Variants in MROH7 observed in about 807,000 individuals in gnomAD.
The protein encoded by MROH7 is maestro heat like repeat family member 7.
In MROH7, 113 loss-of-function variants were observed where a neutral mutation model predicts 129.2. The ratio of observed to expected loss-of-function variants is 0.87; its 90% CI spans 0.75 to 1.02. The LOEUF is 1.02. Ranked by LOEUF, MROH7 falls within the 50% of genes least tolerant of loss-of-function variation. MROH7 has a pLI of 0.00. For missense variants in MROH7, 1,601 were observed against 1,671.3 expected, an observed-to-expected ratio of 0.96 and a Z score of 0.73; for synonymous variants, 655 against 667.9, an observed-to-expected ratio of 0.98 and a Z score of 0.30.
intron 3 of MROH7, among the ~76,000 whole-genome samples, chr1:54,655,217 G>A (rs1183093728): frequency 6.6e-6 from 1 of 151,902 alleles, no homozygotes; most frequent in Non-Finnish European, 1.5e-5. Context: ...GTTTTGCCAT[G>A]TTGGTCAGGC....
At chr1:54,651,801 T>TCTCTCA (rs1644560395) in intron 1 of MROH7, 148 bp from the exon 2 acceptor site, 1 of 145,526 alleles carries the variant, frequency 6.9e-6, no homozygotes, top group South Asian at 2.2e-4. Context: ...TCTCTCTCTC[T>TCTCTCA]CTCTCTCTCT....
intron 1 of MROH7, among the ~76,000 whole-genome samples, chr1:54,642,222 G>A (rs1015649860): frequency 1.3e-5 from 2 of 152,194 alleles, no homozygotes; most frequent in South Asian, 2.1e-4. Context: ...ATTTATTGAG[G>A]ACTTGCTGTG....
intron 5 of MROH7, among the ~76,000 whole-genome samples, chr1:54,670,275 C>G (rs1003731999): frequency 1.3e-5 from 2 of 152,112 alleles, no homozygotes; most frequent in East Asian, 3.9e-4. Context: ...TTGAGACCAG[C>G]CTGGGCAACA....
chr1:54,708,044 T>A (rs769122740), intron 22 of MROH7, among the ~76,000 whole-genome samples: 1 of 152,120 alleles, frequency 6.6e-6, no homozygotes, highest in Non-Finnish European at 1.5e-5. Context: ...ATCTAACTTA[T>A]CCGGAGCAAG....
At chr1:54,690,741 C>T (rs753004288) in intron 15 of MROH7, among the ~76,000 whole-genome samples, 25 of 152,286 alleles carry the variant, frequency 1.6e-4, no homozygotes, top group African/African-American at 5.8e-4. Flanking sequence ...CAGCACCTGG[C>T]GAATTCAGAA....
At chr1:54,657,600 C>G (rs1346363617) in intron 3 of MROH7, among the ~76,000 whole-genome samples, 1 of 152,096 alleles carries the variant, frequency 6.6e-6, no homozygotes. Context: ...TGGTCTTGAA[C>G]TCCTGGCTCA....
chr1:54,643,963 C>A (rs1644424889), intron 1 of MROH7, among the ~76,000 whole-genome samples: 1 of 152,120 alleles, frequency 6.6e-6, no homozygotes, highest in Non-Finnish European at 1.5e-5. Flanking sequence ...GTAAGGCTCT[C>A]AGGTTGCTTT....
Position 54,699,158 on chromosome 1 carries a change from C to CTTTCTTTCTTTCT in MROH7, c.2965-1160_2965-1159insCTTTCTTTCTTTT, listed in dbSNP as rs1320134459. The CTTTCTTTCTTTCT allele has an allele frequency of 2.2e-4, 15 of 67,948 alleles. No individual in the cohort carries two copies. In the East Asian group the frequency reaches 6.5e-3, roughly 29 times the overall value. 4.2% of individuals were successfully genotyped at this position (67,948 alleles called of 1,614,324 possible). ...TCTTTCTTTCTTTCTTTCTTTCTTTCTTTTCTTTCTTTCTTTCTTTCTTTC... is the reference window on the plus strand; with the variant it reads ...TCTTTCTTTCTTTCTTTCTTTCTTTCTTTCTTTCTTTCTTTTTCTTTCTTTCTTTCTTTCTTTC... On this transcript the variant is annotated intron_variant, in intron 17 of 23. Transcript: ENST00000421030.
intron 10 of MROH7, among the ~76,000 whole-genome samples, chr1:54,676,579 G>A (rs1644984545): frequency 6.6e-6 from 1 of 151,936 alleles, no homozygotes; most frequent in Admixed American, 6.6e-5. Context: ...TTTTTTAATA[G>A]AGTCAGAGTT....
intron 19 of MROH7, 45 bp from the exon 20 acceptor site, chr1:54,702,045 G>T (rs746163698): frequency 2.0e-6 from 3 of 1,483,124 alleles, no homozygotes; most frequent in Non-Finnish European, 2.7e-6. Flanking sequence ...GCAGTGAGTG[G>T]CGTCCCAGAG....
rs111629983 is a variant in MROH7, at chr1:54,646,426, C to T, written c.-110+4458C>T. 1.8e-4 allele frequency among the ~76,000 whole-genome samples: 28 copies of T among 152,186 alleles called. 1 individual carries two copies. In the East Asian group the frequency reaches 1.9e-3, roughly 10 times the overall value. Reference sequence around the variant, plus strand: ...TCTGTGTGTCAGGCTTCTGTGGTGCCCAGTTTGGGTTATGTGAGTGATGAA... The same window carrying T: ...TCTGTGTGTCAGGCTTCTGTGGTGCTCAGTTTGGGTTATGTGAGTGATGAA... On this transcript the variant is annotated intron_variant, in intron 1 of 23. Coordinates refer to ENST00000421030, the MANE Select transcript of MROH7 (RefSeq NM_001039464.4).
At chr1:54,649,609 G>GGT (rs1030268015) in intron 1 of MROH7, among the ~76,000 whole-genome samples, 1 of 152,240 alleles carries the variant, frequency 6.6e-6, no homozygotes, top group African/African-American at 2.4e-5. Flanking sequence ...CATCTGCTGG[G>GGT]GTAGAGATGA....
chr1:54,652,324 G>A (rs1190174078), intron 2 of MROH7, among the ~76,000 whole-genome samples: 3 of 152,172 alleles, frequency 2.0e-5, no homozygotes, highest in Admixed American at 2.0e-4. Flanking sequence ...CATGTGGCCA[G>A]CTGGAAGTGG....
Position 54,682,729 on chromosome 1 carries a change from C to T in MROH7, c.2455C>T (p.Leu819Phe). 1 of 1,614,130 alleles carries T rather than the reference C, an allele frequency of 6.2e-7. No homozygotes were observed. The highest frequency in any genetic ancestry group is 2.2e-5 in the East Asian group (1 of 44,876). Residue 819 changes from leucine to phenylalanine, a missense_variant, in exon 14 of 24, where the codon CTC (leucine) becomes TTC (phenylalanine). Transcript: ENST00000421030. Reference sequence around the variant, plus strand: ...TGATGTCCGAGACCTCCTGGATCTGCTCCTGGGCAGCCTGAAGGAGAAGCC... The same window carrying T: ...TGATGTCCGAGACCTCCTGGATCTGTTCCTGGGCAGCCTGAAGGAGAAGCC... The part of the protein sequence containing the change: ...SCDVRDLLDL[L>F]LGSLKEKPVT...
intron 3 of MROH7, among the ~76,000 whole-genome samples, chr1:54,664,837 C>A (rs1419518146): frequency 6.6e-6 from 1 of 152,122 alleles, no homozygotes; most frequent in Admixed American, 6.6e-5. Flanking sequence ...CATGGTGAAA[C>A]CCCATCTCTA....
At chr1:54,709,204 T>C (rs1645584486) in intron 23 of MROH7, 128 bp downstream of exon 23, 1 of 884,802 alleles carries the variant, frequency 1.1e-6, no homozygotes. Flanking sequence ...TCAGTTGTAC[T>C]AGTTTTTTGT....
intron 17 of MROH7, among the ~76,000 whole-genome samples, chr1:54,696,659 CTTTT>C (rs1157748080): frequency 3.7e-4 from 25 of 66,882 alleles, no homozygotes; most frequent in African/African-American, 1.3e-3. Context: ...AATTTCCTTA[CTTTT>C]TTTTTTTTTT....
At chr1:54,664,499 C>T (rs984714519) in intron 3 of MROH7, among the ~76,000 whole-genome samples, 11 of 152,118 alleles carry the variant, frequency 7.2e-5, no homozygotes, top group Non-Finnish European at 1.5e-4. Context: ...CGTGCAAAGG[C>T]CCTGAGGGGA....
chr1:54,679,496 A>G (rs1645035132), intron 12 of MROH7, 57 bp downstream of exon 12: 2 of 1,560,704 alleles, frequency 1.3e-6, no homozygotes, highest in Admixed American at 1.8e-5. Flanking sequence ...AGCTCCCCCC[A>G]TGGCCTGCTC....
Sources: gnomAD v4.1 joint callset for allele counts (sites outside exome capture counted in the v4.1 genomes callset) on GRCh38, gnomAD v4.1.1 for gene constraint, MANE v1.5 for transcripts, NCBI Gene and HGNC (gene_info 2026-07-23, HGNC 2026-07-21) for gene names.